The following HCN1 variants were observed in gnomAD, a reference collection of about 807,000 sequenced individuals.
HCN1 encodes hyperpolarization activated cyclic nucleotide gated potassium channel 1, also known as potassium/sodium hyperpolarization-activated cyclic nucleotide-gated channel 1.
Under a neutral mutation model 78.9 loss-of-function variants are expected in HCN1, and 13 were observed. The observed-to-expected ratio is 0.16, with a 90% confidence interval of 0.11 to 0.26. HCN1 has a LOEUF of 0.26. Ranked by LOEUF, HCN1 falls within the 10% of genes least tolerant of loss-of-function variation. The pLI, the probability that HCN1 is intolerant of heterozygous loss-of-function variation, is 1.00. For synonymous variants in HCN1, 552 were observed against 455.5 expected (o/e 1.21, Z -2.70); for missense variants, 810 against 1,154.3 (o/e 0.70, Z 4.32).
chr5:45,444,312 A>G (rs977247994), intron 3 of HCN1, among the ~76,000 whole-genome samples: 2 of 152,216 alleles, frequency 1.3e-5, no homozygotes, highest in African/African-American at 4.8e-5. Flanking sequence ...GCATCATTTC[A>G]GAATATAAGC....
chr5:45,375,344 TATA>T (rs1364326399), intron 4 of HCN1, among the ~76,000 whole-genome samples: 38 of 125,092 alleles, frequency 3.0e-4, no homozygotes, highest in Admixed American at 1.8e-3. Flanking sequence ...ATACAATATA[TATA>T]ATATAATATT....
intron 4 of HCN1, among the ~76,000 whole-genome samples, chr5:45,368,542 ACT>A (rs1420730603): frequency 6.6e-6 from 1 of 151,846 alleles, no homozygotes; most frequent in Non-Finnish European, 1.5e-5. Flanking sequence ...ATGGCTTTAG[ACT>A]CTATATATAC....
intron 3 of HCN1, among the ~76,000 whole-genome samples, chr5:45,453,674 G>C (rs561840596): frequency 1.1e-4 from 16 of 152,194 alleles, no homozygotes; most frequent in Admixed American, 7.9e-4. Context: ...CTACCATACT[G>C]TCTCTGGCTT....
At chr5:45,293,426 C>T (rs1362082877) in intron 6 of HCN1, among the ~76,000 whole-genome samples, 1 of 151,836 alleles carries the variant, frequency 6.6e-6, no homozygotes, top group East Asian at 1.9e-4. Context: ...TCACTTAAGC[C>T]TAGAAGGTCA....
In HCN1 at chr5:45,583,365, G is replaced by A. The variant is rs184543687; in HGVS notation, c.849+61820C>T. 2.8e-3 allele frequency among the ~76,000 whole-genome samples: 428 copies of A among 152,128 alleles called. 3 individuals are homozygous for A. Among genetic ancestry groups the A allele is most frequent in the African/African-American group, 9.7e-3 (403 of 41,500 alleles). ...TAGTTTGTATTTCTGTGGGATCAGC[G>A]GTGACATCCCCTTTATCATTTTTTA... On this transcript the variant is annotated intron_variant, in intron 2 of 7. Coordinates refer to ENST00000303230, the MANE Select transcript of HCN1 (RefSeq NM_021072.4).
chr5:45,645,000 C>A lies in HCN1; in HGVS notation c.849+185G>T, dbSNP rs982547201. 2.0e-5 allele frequency: 11 copies of A among 552,700 alleles called. 1 individual carries two copies. The Admixed American group carries it at 2.1e-4, about 10-fold the overall frequency. The allele number at this position is 552,700 out of a possible 1,614,324, so 34.2% of individuals were successfully genotyped here. ...ACTATTTTTTTCAGTTCATTCAAAT[C>A]CATTATTTGATCATATATTTTAGGG... On this transcript the variant is annotated intron_variant, in intron 2 of 7. Transcript: ENST00000303230.
rs774013410 is a variant in HCN1 at position 45,262,167 on chromosome 5, G to T, written c.2427C>A (p.Gly809=). 5.0e-6 allele frequency: 8 copies of T among 1,613,922 alleles called. No individual in the cohort carries two copies. The highest frequency in any genetic ancestry group is 2.2e-5 in the East Asian group (1 of 44,860). The change falls in exon 8 of 8, where the codon GGC becomes GGA. Residue 809 remains glycine, a synonymous_variant. Transcript: ENST00000303230. ...TLISRPHPTV[G]ESLASIPQPV... ...GTTGAGGGATGGAGGCCAGGGACTC[G>T]CCCACAGTGGGATGAGGTCTGGAAA...
rs141610592 is a variant in HCN1 at position 45,637,941 on chromosome 5, T to A, written c.849+7244A>T. On this transcript the variant is annotated intron_variant, in intron 2 of 7. Transcript: ENST00000303230. ...AATAGTTACTCTTCAAAACTACCAC[T>A]TTTGAGTTCCTGAGAAGGCAAGCAA... Among the ~76,000 whole-genome samples, 1,154 of 152,244 alleles carry A rather than the reference T, an allele frequency of 7.6e-3. 5 individuals carry two copies. The highest frequency in any genetic ancestry group is 0.054 in the Middle Eastern group (16 of 294).
At chr5:45,416,439 T>C (rs1561146329) in intron 3 of HCN1, among the ~76,000 whole-genome samples, 1 of 152,054 alleles carries the variant, frequency 6.6e-6, no homozygotes, top group Non-Finnish European at 1.5e-5. Context: ...GGAATGCATA[T>C]ATGATATATA....
chr5:45,461,757 G>A, intron 3 of HCN1, 89 bp downstream of exon 3: 2 of 1,156,784 alleles, frequency 1.7e-6, no homozygotes, highest in Non-Finnish European at 2.6e-6. Flanking sequence ...CATTTATAGA[G>A]AAGAAATCAG....
chr5:45,640,857 A>AG (rs1465818058), intron 2 of HCN1, among the ~76,000 whole-genome samples: 2 of 146,074 alleles, frequency 1.4e-5, no homozygotes, highest in Non-Finnish European at 3.0e-5. Context: ...AAGGAGTGAT[A>AG]GAAAAAAAAA....
intron 6 of HCN1, among the ~76,000 whole-genome samples, chr5:45,280,117 A>G (rs544636376): frequency 2.6e-5 from 4 of 152,174 alleles, no homozygotes; most frequent in Non-Finnish European, 5.9e-5. Flanking sequence ...AGCATCAACT[A>G]AAAACAAAAA....
intron 2 of HCN1, among the ~76,000 whole-genome samples, chr5:45,467,910 C>T (rs78628507): frequency 0.038 from 5,795 of 152,082 alleles, 189 homozygotes; most frequent in Non-Finnish European, 0.052. Context: ...TTTTAGTCTT[C>T]TCTGTTTAGC....
intron 3 of HCN1, among the ~76,000 whole-genome samples, chr5:45,401,081 A>G (rs1739793119): frequency 6.6e-6 from 1 of 152,112 alleles, no homozygotes; most frequent in South Asian, 2.1e-4. Context: ...AACTTTATCC[A>G]TATATCTTTT....
At chr5:45,599,812 A>G (rs1234456513) in intron 2 of HCN1, among the ~76,000 whole-genome samples, 6 of 152,088 alleles carry the variant, frequency 3.9e-5, no homozygotes, top group East Asian at 1.9e-4. Context: ...TGCACACTAG[A>G]GTAGCATTTT....
At chr5:45,443,102 C>A (rs1196255671) in intron 3 of HCN1, among the ~76,000 whole-genome samples, 1 of 151,968 alleles carries the variant, frequency 6.6e-6, no homozygotes, top group Non-Finnish European at 1.5e-5. Flanking sequence ...TCTTTCCCAT[C>A]ATGTTAAATG....
At chr5:45,304,075 A>T (rs1054918354) in intron 5 of HCN1, among the ~76,000 whole-genome samples, 3 of 152,128 alleles carry the variant, frequency 2.0e-5, no homozygotes, top group African/African-American at 7.2e-5. Context: ...AATATTCGAT[A>T]AATGTTAATT....
chr5:45,352,443 G>T (rs1284357149), intron 5 of HCN1, among the ~76,000 whole-genome samples: 1 of 151,974 alleles, frequency 6.6e-6, no homozygotes, highest in East Asian at 1.9e-4. Context: ...GTTAATGGGT[G>T]CAGCACACCA....
chr5:45,294,057 T>G (rs763112431), intron 6 of HCN1, among the ~76,000 whole-genome samples: 2 of 152,012 alleles, frequency 1.3e-5, no homozygotes, highest in Non-Finnish European at 2.9e-5. Context: ...AAAATTGAGC[T>G]AATCAAATTG....
Sources: gnomAD v4.1 joint callset for allele counts (sites outside exome capture counted in the v4.1 genomes callset) on GRCh38, gnomAD v4.1.1 for gene constraint, MANE v1.5 for transcripts, NCBI Gene and HGNC (gene_info 2026-07-23, HGNC 2026-07-21) for gene names.